PTPRD: variants seen among roughly 807,000 people sequenced by gnomAD.
PTPRD encodes the protein protein tyrosine phosphatase receptor type D, also known as receptor-type tyrosine-protein phosphatase delta.
Under a neutral mutation model 214.5 loss-of-function variants are expected in PTPRD, and 34 were observed. The ratio of observed to expected loss-of-function variants is 0.16; its 90% CI spans 0.12 to 0.21. The LOEUF (loss-of-function observed/expected upper bound fraction) is 0.21, where lower values mean the gene tolerates loss of function less well. Ranked by LOEUF, PTPRD falls within the 10% of genes least tolerant of loss-of-function variation. PTPRD has a pLI of 1.00. For synonymous variants in PTPRD, 1,128 were observed against 845.7 expected (o/e 1.33, Z -5.79); for missense variants, 2,545 against 2,398.7 (o/e 1.06, Z -1.27).
chr9:8,942,245 A>C (rs188824187), intron 11 of PTPRD, among the ~76,000 whole-genome samples: 1 of 152,282 alleles, frequency 6.6e-6, no homozygotes, highest in Admixed American at 6.5e-5. Context: ...GTAACTAGCA[A>C]GCACTTTAAC....
At chr9:8,401,393 A>T (rs1409281933) in intron 36 of PTPRD, among the ~76,000 whole-genome samples, 2 of 152,248 alleles carry the variant, frequency 1.3e-5, no homozygotes, top group East Asian at 3.9e-4. Flanking sequence ...CTTCTTCAGG[A>T]ATTACTATTT....
intron 44 of PTPRD, among the ~76,000 whole-genome samples, chr9:8,320,955 T>A (rs1052450947): frequency 6.6e-6 from 1 of 151,970 alleles, no homozygotes; most frequent in Non-Finnish European, 1.5e-5. Context: ...CTGTAGAAAA[T>A]AGATGGATTC....
chr9:9,739,775 C>T (rs532964674), intron 6 of PTPRD, among the ~76,000 whole-genome samples: 2 of 151,910 alleles, frequency 1.3e-5, no homozygotes, highest in African/African-American at 4.8e-5. Context: ...TCCTTCCTAA[C>T]TTGTTGAGAT....
At chr9:9,772,737 T>A (rs1442854497) in intron 5 of PTPRD, among the ~76,000 whole-genome samples, 3 of 143,288 alleles carry the variant, frequency 2.1e-5, no homozygotes, top group Non-Finnish European at 4.4e-5. Context: ...GTTTTGATAG[T>A]AATGAGCAGG....
chr9:9,359,197 T>C (rs1334202224), intron 9 of PTPRD, among the ~76,000 whole-genome samples: 1 of 151,270 alleles, frequency 6.6e-6, no homozygotes, highest in Non-Finnish European at 1.5e-5. Flanking sequence ...TAAAATGCAC[T>C]ATCCAATTAG....
chr9:9,936,974 A>G (rs2089710715), intron 5 of PTPRD, among the ~76,000 whole-genome samples: 1 of 151,368 alleles, frequency 6.6e-6, no homozygotes, highest in Non-Finnish European at 1.5e-5. Flanking sequence ...CTATCACAAG[A>G]ACAAAAAACC....
intron 3 of PTPRD, among the ~76,000 whole-genome samples, chr9:10,158,685 C>T (rs975029446): frequency 2.0e-5 from 3 of 152,124 alleles, no homozygotes; most frequent in South Asian, 2.1e-4. Flanking sequence ...TTCATATCCA[C>T]GATGCCTCCT....
chr9:8,525,602 T>G (rs1180953562), intron 17 of PTPRD, among the ~76,000 whole-genome samples: 1 of 152,158 alleles, frequency 6.6e-6, no homozygotes, highest in Non-Finnish European at 1.5e-5. Flanking sequence ...ACATGCAGAT[T>G]TTTAAGAAAA....
intron 3 of PTPRD, among the ~76,000 whole-genome samples, chr9:10,176,712 G>T (rs940974425): frequency 1.3e-5 from 2 of 151,928 alleles, no homozygotes; most frequent in South Asian, 4.1e-4. Flanking sequence ...CCATGTTTAT[G>T]AGCCGCACAG....
intron 14 of PTPRD, among the ~76,000 whole-genome samples, chr9:8,550,178 T>G (rs2081586181): frequency 1.3e-5 from 2 of 152,196 alleles, no homozygotes; most frequent in Non-Finnish European, 2.9e-5. Flanking sequence ...TTTCATGTTC[T>G]ATTGGCTTAT....
chr9:8,933,342 T>TTTTTTTTTTTTTTTTA (rs2098967252), intron 11 of PTPRD, among the ~76,000 whole-genome samples: 1 of 105,206 alleles, frequency 9.5e-6, no homozygotes, highest in East Asian at 2.6e-4. Flanking sequence ...ACCTTGAGGT[T>TTTTTTTTTTTTTTTTA]TTTTTTTTTT....
At chr9:10,296,466 T>G (rs968445205) in intron 3 of PTPRD, among the ~76,000 whole-genome samples, 12 of 152,090 alleles carry the variant, frequency 7.9e-5, no homozygotes, top group South Asian at 2.1e-4. Context: ...CTAATTTGTA[T>G]TTTCTAACAC....
intron 8 of PTPRD, among the ~76,000 whole-genome samples, chr9:9,550,685 T>C (rs1354597207): frequency 1.3e-5 from 2 of 151,634 alleles, no homozygotes; most frequent in African/African-American, 4.8e-5. Flanking sequence ...GATAAGTTAC[T>C]TCCTGGGATA....
intron 2 of PTPRD, among the ~76,000 whole-genome samples, chr9:10,487,231 T>TTC (rs1364991607): frequency 1.3e-5 from 2 of 152,180 alleles, no homozygotes; most frequent in East Asian, 3.9e-4. Context: ...TCATTGGGTC[T>TTC]TCTTTTTCTA....
At chr9:9,272,878 T>C (rs901237393) in intron 9 of PTPRD, among the ~76,000 whole-genome samples, 5 of 151,390 alleles carry the variant, frequency 3.3e-5, no homozygotes, top group African/African-American at 1.2e-4. Context: ...CTGAAATATT[T>C]AATATTTTCA....
Position 8,766,944 on chromosome 9 carries a change from A to G in PTPRD, c.-103-32998T>C, listed in dbSNP as rs185927977. ...TCGCATAAGGTCATAGTTTTCAAGA[A>G]CCTATCAACAATGTTAAGTGAGGAC... On this transcript the variant is annotated intron_variant, in intron 11 of 45. Transcript: ENST00000381196. 5.1e-3 allele frequency among the ~76,000 whole-genome samples: 782 copies of G among 152,262 alleles called. 33 individuals are homozygous for G. The highest frequency in any genetic ancestry group is 0.048 in the Admixed American group (738 of 15,280).
At chr9:9,664,088 T>TAAAAAAA (rs71319290) in intron 7 of PTPRD, among the ~76,000 whole-genome samples, 3 of 114,536 alleles carry the variant, frequency 2.6e-5, no homozygotes, top group African/African-American at 6.6e-5. Context: ...CACTCCTGTG[T>TAAAAAAA]AAAAAAAAAA....
intron 8 of PTPRD, among the ~76,000 whole-genome samples, chr9:9,402,822 A>G (rs917234542): frequency 6.6e-6 from 1 of 151,896 alleles, no homozygotes; most frequent in Non-Finnish European, 1.5e-5. Flanking sequence ...TATTAAACAC[A>G]ACTAAAGGAA....
chr9:9,780,124 G>GCTGGAGACCATAATC (rs1410564768), intron 5 of PTPRD, among the ~76,000 whole-genome samples: 1 of 152,184 alleles, frequency 6.6e-6, no homozygotes, highest in African/African-American at 2.4e-5. Flanking sequence ...TATGGATGGA[G>GCTGGAGACCATAATC]CTGGAGACCA....
Sources: gnomAD v4.1 joint callset for allele counts (sites outside exome capture counted in the v4.1 genomes callset) on GRCh38, gnomAD v4.1.1 for gene constraint, MANE v1.5 for transcripts, NCBI Gene and HGNC (gene_info 2026-07-23, HGNC 2026-07-21) for gene names.